Variants in NCAM1 observed in about 807,000 individuals in gnomAD.
NCAM1 encodes the protein antigen recognized by monoclonal antibody 5.1H11.
In NCAM1, 14 loss-of-function variants were observed where a neutral mutation model predicts 109.8. That is an observed-to-expected ratio of 0.13 (90% confidence interval 0.08 to 0.20). The LOEUF is 0.20. Ranked by LOEUF, NCAM1 falls within the 10% of genes least tolerant of loss-of-function variation. The pLI, the probability that NCAM1 is intolerant of heterozygous loss-of-function variation, is 1.00. For missense variants in NCAM1, 774 were observed against 1,109.9 expected, an observed-to-expected ratio of 0.70 and a Z score of 4.30; for synonymous variants, 418 against 442.9, an observed-to-expected ratio of 0.94 and a Z score of 0.70.
At chr11:113,254,376 T>C (rs1030068330) in intron 15 of NCAM1, among the ~76,000 whole-genome samples, 1 of 152,272 alleles carries the variant, frequency 6.6e-6, no homozygotes, top group African/African-American at 2.4e-5. Flanking sequence ...CCAGACATTG[T>C]GCATCCTCCT....
chr11:113,209,248 G>C (rs1285445595), intron 7 of NCAM1, among the ~76,000 whole-genome samples: 1 of 152,202 alleles, frequency 6.6e-6, no homozygotes, highest in Non-Finnish European at 1.5e-5. Flanking sequence ...CTGATAAGGA[G>C]AACTGTTCAT....
intron 9 of NCAM1, among the ~76,000 whole-genome samples, chr11:113,225,792 A>C (rs1565512071): frequency 2.0e-5 from 3 of 152,244 alleles, no homozygotes; most frequent in African/African-American, 7.2e-5. Flanking sequence ...ATTCTTAAAG[A>C]AAAGAATTTT....
chr11:112,964,719 A>C (rs1950684853), intron 1 of NCAM1, among the ~76,000 whole-genome samples: 1 of 152,250 alleles, frequency 6.6e-6, no homozygotes, highest in Non-Finnish European at 1.5e-5. Context: ...TGAATGTAAT[A>C]AAGGCTATAT....
Position 113,000,851 on chromosome 11 carries a change from C to CACACAA in NCAM1, c.52+39188_52+39189insCACAAA, listed in dbSNP as rs1555072319. ...ATATATATATATATATATATATACA[C>CACACAA]AAAAAATATATATATATATACACAT... On this transcript the variant is annotated intron_variant, in intron 1 of 19. Transcript: ENST00000316851. 3.7e-3 allele frequency among the ~76,000 whole-genome samples: 342 copies of CACACAA among 91,330 alleles called. 1 individual carries two copies. Among genetic ancestry groups the CACACAA allele is most frequent in the African/African-American group, 0.013 (329 of 25,284 alleles). 59.9% of individuals were successfully genotyped at this position (91,330 alleles called of 152,430 possible).
intron 1 of NCAM1, among the ~76,000 whole-genome samples, chr11:113,013,135 A>C (rs1381917034): frequency 2.0e-5 from 3 of 150,728 alleles, no homozygotes; most frequent in South Asian, 2.1e-4. Context: ...TTTTTTAAGA[A>C]GCAAAAGAAG....
intron 1 of NCAM1, among the ~76,000 whole-genome samples, chr11:113,095,913 A>T (rs555892376): frequency 6.6e-6 from 1 of 152,306 alleles, no homozygotes; most frequent in East Asian, 1.9e-4. Context: ...AGCTGTTTTT[A>T]AAAATCTGCT....
chr11:113,239,528 C>T (rs945363903), intron 14 of NCAM1, among the ~76,000 whole-genome samples: 31 of 93,854 alleles, frequency 3.3e-4, no homozygotes, highest in Non-Finnish European at 5.1e-4. Flanking sequence ...TTTTTTGAGA[C>T]GGAGTCTCGC....
At chr11:113,039,997 C>T (rs1435684730) in intron 1 of NCAM1, among the ~76,000 whole-genome samples, 1 of 151,966 alleles carries the variant, frequency 6.6e-6, no homozygotes, top group Non-Finnish European at 1.5e-5. Flanking sequence ...AAAACTTATC[C>T]GGGCGTGGTG....
At chr11:113,240,810 C>G in intron 14 of NCAM1, 1 of 1,613,790 alleles carries the variant, frequency 6.2e-7, no homozygotes, top group Non-Finnish European at 8.5e-7. Context: ...TCGTCTACCC[C>G]TGTTCCATTG....
chr11:113,162,269 T>A (rs1942626762), intron 1 of NCAM1, among the ~76,000 whole-genome samples: 1 of 152,170 alleles, frequency 6.6e-6, no homozygotes, highest in African/African-American at 2.4e-5. Flanking sequence ...CCTTTGTCTT[T>A]TTGGTTTCCA....
intron 1 of NCAM1, among the ~76,000 whole-genome samples, chr11:112,971,801 A>G (rs769883774): frequency 1.2e-4 from 18 of 152,286 alleles, no homozygotes; most frequent in African/African-American, 4.1e-4. Flanking sequence ...TGGGAACCAG[A>G]GGGTGGTTAC....
intron 15 of NCAM1, among the ~76,000 whole-genome samples, chr11:113,252,250 C>T (rs1555121466): frequency 1.3e-5 from 2 of 151,968 alleles, no homozygotes; most frequent in Non-Finnish European, 2.9e-5. Flanking sequence ...CCCATCTCTA[C>T]AAAAAATTAG....
Position 113,253,271 on chromosome 11 carries a change from C to T in NCAM1, c.1829-2606C>T, listed in dbSNP as rs117394443. On this transcript the variant is annotated intron_variant, in intron 15 of 19. Coordinates refer to ENST00000316851, the MANE Select transcript of NCAM1 (RefSeq NM_181351.5). ...GACAAAACTTTTGAGATAACTTTTT[C>T]AACATTTTAAAGCAAAAAGTTGACA... Among the ~76,000 whole-genome samples, 197 of 152,140 alleles carry T rather than the reference C, an allele frequency of 1.3e-3. 4 individuals are homozygous for T. In the East Asian group the frequency reaches 0.034, roughly 26 times the overall value.
chr11:113,000,755 A>T (rs1411083985), intron 1 of NCAM1, among the ~76,000 whole-genome samples: 2 of 149,804 alleles, frequency 1.3e-5, no homozygotes, highest in Admixed American at 6.7e-5. Flanking sequence ...TCTAGTGGTT[A>T]CTTTTTAAAA....
At chr11:112,997,301 T>A (rs1951621483) in intron 1 of NCAM1, among the ~76,000 whole-genome samples, 1 of 152,192 alleles carries the variant, frequency 6.6e-6, no homozygotes, top group Admixed American at 6.5e-5. Context: ...TAAAAACTAG[T>A]GATAATTAAA....
At chr11:113,246,015 T>C in intron 14 of NCAM1, 1 of 282,540 alleles carries the variant, frequency 3.5e-6, no homozygotes, top group South Asian at 1.5e-4. Context: ...CAAGTTTACA[T>C]GCTCCTGATG....
intron 1 of NCAM1, among the ~76,000 whole-genome samples, chr11:113,090,174 A>G (rs1195644795): frequency 6.6e-6 from 1 of 152,240 alleles, no homozygotes; most frequent in African/African-American, 2.4e-5. Context: ...AATTAGTATT[A>G]CATTGTGCTG....
chr11:112,976,921 A>G (rs1198771564), intron 1 of NCAM1, among the ~76,000 whole-genome samples: 1 of 151,840 alleles, frequency 6.6e-6, no homozygotes, highest in Non-Finnish European at 1.5e-5. Flanking sequence ...TATTCAGAGC[A>G]AAATGTTTGA....
chr11:113,119,270 G>C (rs782614802), intron 1 of NCAM1, among the ~76,000 whole-genome samples: 1 of 152,162 alleles, frequency 6.6e-6, no homozygotes, highest in Non-Finnish European at 1.5e-5. Flanking sequence ...CCACATGGGA[G>C]GGAAAACTGC....
Sources: gnomAD v4.1 joint callset for allele counts (sites outside exome capture counted in the v4.1 genomes callset) on GRCh38, gnomAD v4.1.1 for gene constraint, MANE v1.5 for transcripts, NCBI Gene and HGNC (gene_info 2026-07-23, HGNC 2026-07-21) for gene names.